Variants in PTPRT observed in about 807,000 individuals in gnomAD.
PTPRT encodes the protein protein tyrosine phosphatase receptor type T.
A neutral mutation model predicts 176.8 loss-of-function variants in PTPRT; 56 were observed. That is an observed-to-expected ratio of 0.32 (90% CI 0.26 to 0.40). The LOEUF is 0.40. Among genes scored for constraint, PTPRT ranks in the 10% least tolerant of loss-of-function variants. The probability of loss-of-function intolerance (pLI) is 1.00; values close to 1 mark genes in which losing one functional copy is unlikely to be tolerated. For missense variants in PTPRT, 1,540 were observed against 1,908.2 expected, an observed-to-expected ratio of 0.81 and a Z score of 3.60; for synonymous variants, 783 against 739.0, an observed-to-expected ratio of 1.06 and a Z score of -0.96.
At chr20:42,362,328 C>T (rs746863757) in intron 9 of PTPRT, among the ~76,000 whole-genome samples, 13 of 151,842 alleles carry the variant, frequency 8.6e-5, no homozygotes, top group Admixed American at 2.0e-4. Context: ...CCTCTTGATA[C>T]GATGCTCTGA....
chr20:42,406,248 C>G, intron 9 of PTPRT, among the ~76,000 whole-genome samples: 1 of 151,590 alleles, frequency 6.6e-6, no homozygotes, highest in East Asian at 1.9e-4. Context: ...AAACATGTAT[C>G]TAAATAAAAT....
chr20:42,451,897 T>C (rs1250477347), intron 8 of PTPRT, among the ~76,000 whole-genome samples: 1 of 152,034 alleles, frequency 6.6e-6, no homozygotes, highest in African/African-American at 2.4e-5. Context: ...ATTCAAACCA[T>C]AACAAGAATG....
intron 17 of PTPRT, among the ~76,000 whole-genome samples, chr20:42,153,455 T>C (rs1188751380): frequency 2.6e-5 from 4 of 152,038 alleles, no homozygotes; most frequent in African/African-American, 9.7e-5. Context: ...GGTCAAAGGA[T>C]TTTTCTATAG....
At position 43,056,654 on chromosome 20, in the gene PTPRT, AG is replaced by A. The variant is rs1987245293; in HGVS notation, c.88+132991del. On this transcript the variant is annotated intron_variant, in intron 1 of 30. Transcript: ENST00000373187. ...ACCTGCTATTAACCTAACAAATACC[AG>A]GAACAACTTTATAGTGGAAAAGATC... Among the ~76,000 whole-genome samples the A allele has an allele frequency of 2.0e-5, 3 of 152,252 alleles. No individual in the cohort carries two copies. The South Asian group carries it at 6.2e-4, about 32-fold the overall frequency.
chr20:42,232,155 A>G (rs1352559215), intron 15 of PTPRT, among the ~76,000 whole-genome samples: 1 of 152,262 alleles, frequency 6.6e-6, no homozygotes, highest in Non-Finnish European at 1.5e-5. Context: ...TGCAGAGGAC[A>G]TTCCACAAAT....
At chr20:43,024,229 G>C (rs969840484) in intron 1 of PTPRT, among the ~76,000 whole-genome samples, 1 of 152,164 alleles carries the variant, frequency 6.6e-6, no homozygotes, top group African/African-American at 2.4e-5. Context: ...TAGGGTTGTT[G>C]TGAGGAGTAA....
At chr20:42,045,616 G>A in the PTPRT span, among the ~76,000 whole-genome samples, 5 of 151,694 alleles carry the variant, frequency 3.3e-5, no homozygotes, top group Admixed American at 6.6e-5. Flanking sequence ...TGCCAGTGTG[G>A]TAAAACTCAG....
At chr20:43,102,992 G>A (rs1033634623) in intron 1 of PTPRT, among the ~76,000 whole-genome samples, 16 of 152,176 alleles carry the variant, frequency 1.1e-4, no homozygotes, top group Admixed American at 9.8e-4. Context: ...GGAAGACCTG[G>A]AGGGAAAGAG....
chr20:42,862,849 G>T (rs957681476), intron 2 of PTPRT, among the ~76,000 whole-genome samples: 2 of 152,160 alleles, frequency 1.3e-5, no homozygotes, highest in Admixed American at 6.5e-5. Flanking sequence ...TAAGCAGGGG[G>T]TGGTCTTTTT....
intron 9 of PTPRT, among the ~76,000 whole-genome samples, chr20:42,362,613 T>C (rs916514575): frequency 1.3e-5 from 2 of 152,150 alleles, no homozygotes; most frequent in African/African-American, 4.8e-5. Context: ...AGTGGGAAGA[T>C]AAGTGAAATT....
intron 6 of PTPRT, among the ~76,000 whole-genome samples, chr20:42,708,030 T>C (rs528377373): frequency 6.6e-6 from 1 of 152,314 alleles, no homozygotes; most frequent in Non-Finnish European, 1.5e-5. Flanking sequence ...CTCCTTAAAA[T>C]TGTATGCAAT....
intron 1 of PTPRT, among the ~76,000 whole-genome samples, chr20:43,161,155 A>G (rs1164977317): frequency 2.6e-5 from 4 of 152,218 alleles, no homozygotes; most frequent in Admixed American, 6.5e-5. Context: ...GTTTTCCTGG[A>G]GCAGAGCCAT....
At chr20:42,771,641 G>T in intron 4 of PTPRT, 91 bp from the exon 5 acceptor site, 3 of 1,016,244 alleles carry the variant, frequency 3.0e-6, no homozygotes, top group Non-Finnish European at 4.6e-6. Flanking sequence ...ATGGGCACTG[G>T]GCAGGGTGGA....
At chr20:42,499,295 T>C (rs938178323) in intron 7 of PTPRT, among the ~76,000 whole-genome samples, 4 of 151,414 alleles carry the variant, frequency 2.6e-5, no homozygotes, top group Middle Eastern at 3.4e-3. Context: ...TGATAAACTT[T>C]TTTTTTTTTT....
chr20:42,293,204 T>C (rs1023685224), intron 12 of PTPRT, among the ~76,000 whole-genome samples: 18 of 152,174 alleles, frequency 1.2e-4, no homozygotes, highest in Non-Finnish European at 2.6e-4. Context: ...AAAATCTTCT[T>C]GTAAGTTTTA....
At chr20:42,364,456 T>C (rs1340607853) in intron 9 of PTPRT, among the ~76,000 whole-genome samples, 2 of 152,308 alleles carry the variant, frequency 1.3e-5, no homozygotes, top group African/African-American at 4.8e-5. Flanking sequence ...CTACTTACTA[T>C]GAGAAGGTTT....
chr20:42,159,809 T>C (rs1210390891), intron 17 of PTPRT, among the ~76,000 whole-genome samples: 2 of 152,190 alleles, frequency 1.3e-5, no homozygotes, highest in Non-Finnish European at 2.9e-5. Flanking sequence ...CATAAAGTTT[T>C]AGGACCAGAT....
chr20:42,159,818 A>T (rs562798103), intron 17 of PTPRT, among the ~76,000 whole-genome samples: 153 of 152,280 alleles, frequency 1.0e-3, no homozygotes, highest in African/African-American at 3.2e-3. Context: ...TTAGGACCAG[A>T]TAGGTCCTGA....
chr20:43,049,803 G>C (rs1371256206), intron 1 of PTPRT, among the ~76,000 whole-genome samples: 2 of 152,162 alleles, frequency 1.3e-5, no homozygotes, highest in African/African-American at 4.8e-5. Flanking sequence ...TCCCTGCCCT[G>C]CTCATATATC....
Sources: allele counts gnomAD v4.1 joint callset (sites outside exome capture counted in the v4.1 genomes callset), GRCh38; gene constraint gnomAD v4.1.1; transcripts MANE v1.5; gene names NCBI Gene and HGNC (gene_info 2026-07-23, HGNC 2026-07-21).